MSI2: variants seen among roughly 807,000 people sequenced by gnomAD.
MSI2 encodes musashi RNA binding protein 2.
MSI2 carries 17 observed loss-of-function variants against 45.6 expected under a neutral mutation model. That is an observed-to-expected ratio of 0.37 (90% CI 0.26 to 0.56). The LOEUF (loss-of-function observed/expected upper bound fraction) is 0.56, where lower values mean the gene tolerates loss of function less well. MSI2 is among the 20% of genes least tolerant of loss of function. The probability of loss-of-function intolerance (pLI) is 0.77; values close to 1 mark genes in which losing one functional copy is unlikely to be tolerated. For missense variants in MSI2, 293 were observed against 444.2 expected (o/e 0.66, Z 3.06); for synonymous variants, 156 against 158.2 (o/e 0.99, Z 0.11).
At chr17:57,568,906 C>A (rs2087804363) in intron 7 of MSI2, among the ~76,000 whole-genome samples, 1 of 152,152 alleles carries the variant, frequency 6.6e-6, no homozygotes, top group Admixed American at 6.5e-5. Context: ...AGTGAACACA[C>A]CTGGGCCTGG....
At chr17:57,301,254 G>A (rs993088847) in intron 5 of MSI2, among the ~76,000 whole-genome samples, 1 of 152,130 alleles carries the variant, frequency 6.6e-6, no homozygotes, top group African/African-American at 2.4e-5. Flanking sequence ...CTTGACACAA[G>A]GGAAAAAGGT....
chr17:57,338,081 GTTTTA>G (rs1301875523), intron 5 of MSI2, among the ~76,000 whole-genome samples: 1 of 152,026 alleles, frequency 6.6e-6, no homozygotes. Flanking sequence ...ATTTGTATGG[GTTTTA>G]TTTTGTTTTT....
In MSI2 at chr17:57,413,844, G is replaced by A. The variant is rs372933971; in HGVS notation, c.405+12373G>A. Among the ~76,000 whole-genome samples the A allele has an allele frequency of 2.6e-4, 40 of 152,086 alleles. 1 individual carries two copies. The East Asian group carries it at 6.4e-3, about 24-fold the overall frequency. On this transcript the variant is annotated intron_variant, in intron 6 of 13. Transcript: ENST00000284073. ...GCTCCGCAATGTAGGACTGTTTAGT[G>A]CAGGGAAACAGTCATCCTTCCTCAT...
chr17:57,471,126 C>T (rs982124402), intron 6 of MSI2, among the ~76,000 whole-genome samples: 30 of 152,102 alleles, frequency 2.0e-4, no homozygotes, highest in Admixed American at 3.3e-4. Context: ...TCACACCCTA[C>T]CCCCTACTCT....
intron 5 of MSI2, among the ~76,000 whole-genome samples, chr17:57,318,621 C>G (rs28373684): frequency 7.1e-6 from 1 of 140,564 alleles, no homozygotes; most frequent in African/African-American, 2.6e-5. Context: ...GTGTGAAACC[C>G]GGGTCTGAAA....
intron 6 of MSI2, among the ~76,000 whole-genome samples, chr17:57,428,436 C>A (rs1333435344): frequency 6.6e-6 from 1 of 152,018 alleles, no homozygotes; most frequent in African/African-American, 2.4e-5. Context: ...CCCTGTCACC[C>A]AGGCTGGACC....
intron 7 of MSI2, among the ~76,000 whole-genome samples, chr17:57,567,730 C>T (rs968977187): frequency 2.0e-5 from 3 of 152,180 alleles, no homozygotes; most frequent in Non-Finnish European, 4.4e-5. Context: ...TGGATGGGGC[C>T]ACTGCCTCAG....
intron 7 of MSI2, among the ~76,000 whole-genome samples, chr17:57,581,139 A>G (rs2088195615): frequency 6.7e-6 from 1 of 150,308 alleles, no homozygotes; most frequent in Non-Finnish European, 1.5e-5. Context: ...CAGCCTCCCA[A>G]GTAGCTGGAA....
chr17:57,526,359 GTGTGTGT>G (rs2086697623), intron 6 of MSI2, among the ~76,000 whole-genome samples: 2 of 66,932 alleles, frequency 3.0e-5, no homozygotes, highest in African/African-American at 4.4e-5. Flanking sequence ...ATACCTGGGT[GTGTGTGT>G]GTGTGTGTGT....
intron 5 of MSI2, among the ~76,000 whole-genome samples, chr17:57,355,908 T>C (rs1371100755): frequency 6.6e-6 from 1 of 152,222 alleles, no homozygotes; most frequent in Non-Finnish European, 1.5e-5. Flanking sequence ...ACATGGGCTA[T>C]GTTTCCCAGG....
chr17:57,330,270 G>A (rs1914132104), intron 5 of MSI2, among the ~76,000 whole-genome samples: 2 of 151,016 alleles, frequency 1.3e-5, no homozygotes, highest in African/African-American at 4.9e-5. Flanking sequence ...CCAAAAGCCT[G>A]TAACTTTTTC....
intron 5 of MSI2, among the ~76,000 whole-genome samples, chr17:57,363,197 C>G (rs915242488): frequency 6.6e-6 from 1 of 152,172 alleles, no homozygotes; most frequent in African/African-American, 2.4e-5. Context: ...AAGGCAATTC[C>G]GATAGATGCT....
intron 11 of MSI2, among the ~76,000 whole-genome samples, chr17:57,661,836 G>A (rs922051107): frequency 9.9e-5 from 15 of 152,016 alleles, no homozygotes; most frequent in African/African-American, 3.4e-4. Context: ...TCAAAATTTG[G>A]CTCAAAGTGC....
At chr17:57,478,065 C>A (rs1050586240) in intron 6 of MSI2, among the ~76,000 whole-genome samples, 1 of 152,214 alleles carries the variant, frequency 6.6e-6, no homozygotes, top group South Asian at 2.1e-4. Context: ...CCTGAGAAGA[C>A]TCGCCCACCC....
chr17:57,350,213 G>T (rs950963391), intron 5 of MSI2, among the ~76,000 whole-genome samples: 1 of 143,246 alleles, frequency 7.0e-6, no homozygotes, highest in African/African-American at 2.9e-5. Flanking sequence ...TGTTAACAGT[G>T]CCAGAGGTAG....
chr17:57,539,560 C>T (rs1341660697), intron 7 of MSI2, among the ~76,000 whole-genome samples: 2 of 151,388 alleles, frequency 1.3e-5, no homozygotes, highest in African/African-American at 4.9e-5. Context: ...GGAACGGTGG[C>T]ACGTGCCTGT....
At chr17:57,547,218 A>G (rs2087190161) in intron 7 of MSI2, among the ~76,000 whole-genome samples, 1 of 152,196 alleles carries the variant, frequency 6.6e-6, no homozygotes, top group East Asian at 1.9e-4. Flanking sequence ...ACAGTGGTAG[A>G]GATGACTGAG....
chr17:57,421,067 C>T (rs1445269123), intron 6 of MSI2, among the ~76,000 whole-genome samples: 1 of 152,054 alleles, frequency 6.6e-6, no homozygotes, highest in Non-Finnish European at 1.5e-5. Context: ...CATTTTTATA[C>T]CCCACCCCCT....
intron 7 of MSI2, among the ~76,000 whole-genome samples, chr17:57,553,530 C>T (rs2087355603): frequency 6.6e-6 from 1 of 152,196 alleles, no homozygotes; most frequent in African/African-American, 2.4e-5. Context: ...CTTTGAAAAA[C>T]CTTCCAAGAC....
Sources: allele counts gnomAD v4.1 joint callset (sites outside exome capture counted in the v4.1 genomes callset), GRCh38; gene constraint gnomAD v4.1.1; transcripts MANE v1.5; gene names NCBI Gene and HGNC (gene_info 2026-07-23, HGNC 2026-07-21).